VPS51: variants seen among roughly 807,000 people sequenced by gnomAD.
The protein encoded by VPS51 is VPS51 subunit of GARP complex.
A neutral mutation model predicts 65.1 loss-of-function variants in VPS51; 55 were observed. The ratio of observed to expected loss-of-function variants is 0.84; its 90% confidence interval spans 0.68 to 1.06. The LOEUF (loss-of-function observed/expected upper bound fraction) is 1.06. VPS51 is among the 50% of genes least tolerant of loss of function. The probability of loss-of-function intolerance (pLI) is 0.00; values close to 1 mark genes in which losing one functional copy is unlikely to be tolerated. For synonymous variants in VPS51, 473 were observed against 489.5 expected, an observed-to-expected ratio of 0.97 and a Z score of 0.44; for missense variants, 943 against 1,101.6, an observed-to-expected ratio of 0.86 and a Z score of 2.04.
Position 65,108,000 on chromosome 11 carries a change from C to G in VPS51, c.703C>G (p.Gln235Glu), listed in dbSNP as rs1243240772. ...DCQVITARLA[Q>E]QLRQRFREGG... ...CCAGGTCATCACGGCCCGCCTGGCCCAGCAGCTGCGGCAGCGCTTTAGGTG... is the reference window on the plus strand; with the variant it reads ...CCAGGTCATCACGGCCCGCCTGGCCGAGCAGCTGCGGCAGCGCTTTAGGTG... The change falls in exon 4 of 10, where the codon CAG (glutamine) becomes GAG (glutamate). Residue 235 changes from glutamine to glutamate, a missense_variant. This residue lies in a region of VPS51 where 855 missense variants were observed against 953.7 expected (regional missense o/e 0.90). Coordinates refer to ENST00000279281, the MANE Select transcript of VPS51 (RefSeq NM_013265.4). This position sits in a 1 kb window ranked among gnomAD's most constrained non-coding sequence, Gnocchi z 4.0. 1 of 1,542,356 alleles carries G rather than the reference C, an allele frequency of 6.5e-7. No individual in the cohort carries two copies.
At chr11:65,096,513 G>C in intron 1 of VPS51, 35 bp downstream of exon 1, 1 of 1,137,980 alleles carries the variant, frequency 8.8e-7, no homozygotes, top group Non-Finnish European at 1.2e-6. Flanking sequence ...GGTGCGGGGA[G>C]GGGGGAAGGG....
At chr11:65,098,616 G>T (rs1361822651) in intron 2 of VPS51, among the ~76,000 whole-genome samples, 1 of 152,218 alleles carries the variant, frequency 6.6e-6, no homozygotes, top group East Asian at 1.9e-4. Flanking sequence ...TCGTGTCACA[G>T]TGGTGGGTGT....
In VPS51 at chr11:65,108,702, C is replaced by T; in HGVS notation, c.1231C>T (p.Leu411=). 8.7e-6 allele frequency: 14 copies of T among 1,603,802 alleles called. No individual in the cohort carries two copies. The highest frequency in any genetic ancestry group is 1.1e-5 in the Non-Finnish European group (13 of 1,177,714). Residue 411 remains leucine (L), a synonymous_variant, in exon 5 of 10, where the codon CTG becomes TTG. Coordinates refer to ENST00000279281, the MANE Select transcript of VPS51 (RefSeq NM_013265.4). ...RVARERLGHH[L]QGLRAAFLGC... ...GGCCCGCGAGCGCCTGGGCCACCACCTGCAGGGTCTCCGGGCGGCCTTCCT... is the reference window on the plus strand; with the variant it reads ...GGCCCGCGAGCGCCTGGGCCACCACTTGCAGGGTCTCCGGGCGGCCTTCCT...
Position 65,107,894 on chromosome 11 carries a change from G to A in VPS51, c.597G>A (p.Ala199=), listed in dbSNP as rs554679031. ...TGGAACTGGGCGCCTATGGGCAGGCGGTGCGCTACCAGGGCCGCGCGCAGG... is the reference window on the plus strand; with the variant it reads ...TGGAACTGGGCGCCTATGGGCAGGCAGTGCGCTACCAGGGCCGCGCGCAGG... The part of the protein sequence containing the change: ...KCVELGAYGQ[A]VRYQGRAQAV... The change falls in exon 4 of 10, where the codon GCG becomes GCA. Residue 199 remains alanine, a synonymous_variant. Transcript: ENST00000279281. The surrounding 1 kb of genome is among the most constrained non-coding windows in gnomAD (Gnocchi z 4.0). 1.7e-5 allele frequency: 26 copies of A among 1,551,474 alleles called. No individual in the cohort carries two copies. The highest frequency in any genetic ancestry group is 1.7e-4 in the Middle Eastern group (1 of 5,892).
At chr11:65,100,229 G>GC (rs1368561071) in intron 2 of VPS51, among the ~76,000 whole-genome samples, 1 of 152,102 alleles carries the variant, frequency 6.6e-6, no homozygotes, top group Non-Finnish European at 1.5e-5. Flanking sequence ...TTAGCTCAGG[G>GC]CTAAAAAGAC....
chr11:65,110,432 G>A, intron 7 of VPS51, 50 bp from the exon 8 acceptor site: 1 of 1,613,134 alleles, frequency 6.2e-7, no homozygotes, highest in South Asian at 1.1e-5. Context: ...CGATGGGCTG[G>A]TGGTTTCCCC....
chr11:65,096,518 G>GGGGGGGGGGGGGGGGGGGGGC, intron 1 of VPS51, 40 bp downstream of exon 1: 2 of 499,410 alleles, frequency 4.0e-6, no homozygotes, highest in Non-Finnish European at 7.3e-6. Flanking sequence ...GGGGAGGGGG[G>GGGGGGGGGGGGGGGGGGGGGC]AAGGGAACCA....
intron 9 of VPS51, 114 bp from the exon 10 acceptor site, chr11:65,111,213 C>A (rs764381919): frequency 6.7e-7 from 1 of 1,487,924 alleles, no homozygotes; most frequent in East Asian, 2.4e-5. Context: ...CGGAGACTTT[C>A]TGCCTCATCC....
chr11:65,103,208 C>T (rs1479281564), intron 2 of VPS51, among the ~76,000 whole-genome samples: 1 of 152,176 alleles, frequency 6.6e-6, no homozygotes, highest in Non-Finnish European at 1.5e-5. Context: ...TATAAGTGTG[C>T]ATCACCATGC....
intron 9 of VPS51, 46 bp downstream of exon 9, chr11:65,110,827 G>A (rs1947891985): frequency 6.2e-7 from 1 of 1,611,956 alleles, no homozygotes; most frequent in Non-Finnish European, 8.5e-7. Context: ...CCCGGGGAGG[G>A]TTGGCTGGAG....
At chr11:65,096,645 G>A (rs568503180) in intron 1 of VPS51, 167 bp downstream of exon 1, 4 of 653,536 alleles carry the variant, frequency 6.1e-6, no homozygotes, top group Admixed American at 3.1e-5. Flanking sequence ...TGAGGCGTCT[G>A]AGGGGATGTG....
In VPS51 at chr11:65,097,037, G is replaced by A. The variant is rs763347191; in HGVS notation, c.268G>A (p.Glu90Lys). ...CCCTCTGGCCCAGTTGATGGACAGT[G>A]AGACGGACATGGTGCGGCAGATCCG... Reference protein sequence around the residue: ...ECPLAQLMDSETDMVRQIRAL... With the variant: ...ECPLAQLMDSKTDMVRQIRAL... The change falls in exon 2 of 10, where the codon GAG becomes AAG. Residue 90 changes from glutamate to lysine, a missense_variant. By Grantham distance (56) the Glu-to-Lys change is moderately conservative. Around this residue, in one of 2 missense-constraint regions of VPS51, gnomAD observed 855 missense variants for 953.7 expected, o/e 0.90. Transcript: ENST00000279281. The A allele has an allele frequency of 6.2e-7, 1 of 1,614,012 alleles. No individual in the cohort carries two copies. Among genetic ancestry groups the A allele is most frequent in the Non-Finnish European group, 8.5e-7 (1 of 1,180,034 alleles).
chr11:65,109,531 G>A (rs761174351), intron 6 of VPS51, 36 bp downstream of exon 6: 2 of 1,599,756 alleles, frequency 1.3e-6, no homozygotes, highest in Admixed American at 3.3e-5. Flanking sequence ...AGGGAATGGT[G>A]TTGCTGGGAA....
At position 65,108,888 on chromosome 11, in the gene VPS51, T is replaced by G. The variant is rs1270846801; in HGVS notation, c.1417T>G (p.Ser473Ala). 6.2e-7 allele frequency: 1 copy of G among 1,613,010 alleles called. No individual in the cohort carries two copies. Among genetic ancestry groups the G allele is most frequent in the Non-Finnish European group, 8.5e-7 (1 of 1,180,008 alleles). ...GCACCTTTTCACCGCCAAAGAGGTG[T>G]CCTTCTCCAACAAGCCCTACTTCCG... ...AVHLFTAKEV[S>A]FSNKPYFRGE... The change falls in exon 5 of 10, where the codon TCC becomes GCC. Residue 473 changes from serine to alanine, a missense_variant. Ser to Ala is a moderately conservative substitution (Grantham distance 99). Transcript: ENST00000279281.
At chr11:65,103,139 A>G (rs1947820403) in intron 2 of VPS51, among the ~76,000 whole-genome samples, 1 of 152,172 alleles carries the variant, frequency 6.6e-6, no homozygotes, top group African/African-American at 2.4e-5. Context: ...GGCTCACTGT[A>G]ACCTCCGCCT....
Position 65,108,623 on chromosome 11 carries a change from C to T in VPS51, c.1152C>T (p.Ala384=), listed in dbSNP as rs1947862887. The T allele has an allele frequency of 7.2e-6, 11 of 1,528,124 alleles. No individual in the cohort carries two copies. Among genetic ancestry groups the T allele is most frequent in the Non-Finnish European group, 7.9e-6 (9 of 1,146,018 alleles). The allele number at this position is 1,528,124 out of a possible 1,614,324, so 94.7% of individuals were successfully genotyped here. A position where few individuals can be genotyped will look rare whatever the true frequency, so the allele number is the denominator to read the frequency against. Reference sequence around the variant, plus strand: ...ACCGGCGCTTGCGGGCTCCCGGGGCCCTGCTGGCCGCTGCCGGGCTCGCAG... The same window carrying T: ...ACCGGCGCTTGCGGGCTCCCGGGGCTCTGCTGGCCGCTGCCGGGCTCGCAG... ...RFHRRLRAPG[A]LLAAAGLADA... Residue 384 remains alanine, a synonymous_variant, in exon 5 of 10, where the codon GCC becomes GCT. Transcript: ENST00000279281.
Position 65,108,747 on chromosome 11 carries a change from C to G in VPS51, c.1276C>G (p.Arg426Gly), listed in dbSNP as rs767094496. The change falls in exon 5 of 10, where the codon CGC becomes GGC. Residue 426 changes from arginine (R) to glycine (G), a missense_variant. Physicochemically the swap from Arg to Gly is moderately radical, Grantham distance 125 (BLOSUM62 -2). Around this residue, in one of 2 missense-constraint regions of VPS51, gnomAD observed 855 missense variants for 953.7 expected, o/e 0.90. Coordinates refer to ENST00000279281, the MANE Select transcript of VPS51 (RefSeq NM_013265.4). Reference sequence around the variant, plus strand: ...CTTCCTGGGCTGCCTGACAGACGTCCGCCAGGCGCTGGCAGCACCTCGCGT... The same window carrying G: ...CTTCCTGGGCTGCCTGACAGACGTCGGCCAGGCGCTGGCAGCACCTCGCGT... Reference protein sequence around the residue: ...AAFLGCLTDVRQALAAPRVAG... With the variant: ...AAFLGCLTDVGQALAAPRVAG... 6.2e-7 allele frequency: 1 copy of G among 1,611,568 alleles called. No individual in the cohort carries two copies. The highest frequency in any genetic ancestry group is 1.1e-5 in the South Asian group (1 of 91,022).
At position 65,111,684 on chromosome 11, in the gene VPS51, C is replaced by T. The variant is rs1250379658; in HGVS notation, c.*97C>T. The T allele has an allele frequency of 6.9e-7, 1 of 1,454,804 alleles. No homozygotes were observed. The highest frequency in any genetic ancestry group is 1.4e-5 in the African/African-American group (1 of 70,484). The allele number at this position is 1,454,804 out of a possible 1,614,324, so 90.1% of individuals were successfully genotyped here. A position where few individuals can be genotyped will look rare whatever the true frequency, so the allele number is the denominator to read the frequency against. ...CCCCGCAGGCAGGTGTCAGGACCGGCCTAATAAACATGTGTGGCCTCCTCC... is the reference window on the plus strand; with the variant it reads ...CCCCGCAGGCAGGTGTCAGGACCGGTCTAATAAACATGTGTGGCCTCCTCC... On this transcript the variant is annotated 3_prime_UTR_variant, in exon 10 of 10. Transcript: ENST00000279281.
rs754622232 is a variant in VPS51 at position 65,107,624 on chromosome 11, T to C, written c.402T>C (p.Asp134=). The part of the protein sequence containing the change: ...KMKNDFRKME[D]EMDRLATNMA... ...AGAACGATTTCCGGAAGATGGAGGA[T>C]GAGATGGACCGGCTGGCCACCAACA... The change falls in exon 3 of 10, where the codon GAT becomes GAC. Residue 134 remains aspartate, a synonymous_variant. Transcript: ENST00000279281. The surrounding 1 kb of genome is among the most constrained non-coding windows in gnomAD (Gnocchi z 4.0). The C allele has an allele frequency of 6.2e-7, 1 of 1,602,270 alleles. No homozygotes were observed. Among genetic ancestry groups the C allele is most frequent in the South Asian group, 1.1e-5 (1 of 90,734 alleles).
Sources: gnomAD v4.1 joint callset for allele counts (sites outside exome capture counted in the v4.1 genomes callset) on GRCh38, gnomAD v4.1.1 for gene constraint, gnomAD v4.1.1 regional missense constraint, Gnocchi (gnomAD v3.1) non-coding constraint, MANE v1.5 for transcripts, NCBI Gene and HGNC (gene_info 2026-07-23, HGNC 2026-07-21) for gene names.